Variants in NTRK3 observed in about 807,000 individuals in gnomAD.
The protein encoded by NTRK3 is neurotrophic receptor tyrosine kinase 3, also known as NT-3 growth factor receptor.
In NTRK3, 24 loss-of-function variants were observed where a neutral mutation model predicts 91.7. The ratio of observed to expected loss-of-function variants is 0.26; its 90% CI spans 0.19 to 0.37. The LOEUF (loss-of-function observed/expected upper bound fraction) is 0.37. NTRK3 is among the 10% of genes least tolerant of loss of function. NTRK3 has a pLI of 1.00. For missense variants in NTRK3, 880 were observed against 1,068.9 expected, an observed-to-expected ratio of 0.82 and a Z score of 2.46; for synonymous variants, 483 against 404.0, an observed-to-expected ratio of 1.20 and a Z score of -2.34.
At chr15:88,171,217 C>T (rs951308209) in intron 5 of NTRK3, among the ~76,000 whole-genome samples, 5 of 152,178 alleles carry the variant, frequency 3.3e-5, no homozygotes. Context: ...TTAAATCTCC[C>T]CACAGGACTG....
intron 9 of NTRK3, 89 bp downstream of exon 9, chr15:88,135,810 T>C: frequency 6.5e-7 from 1 of 1,539,394 alleles, no homozygotes; most frequent in African/African-American, 1.4e-5. Context: ...CTGCTCTAGC[T>C]CACCCCTGAC....
intron 6 of NTRK3, among the ~76,000 whole-genome samples, 182 bp from the exon 7 acceptor site, chr15:88,137,743 A>G (rs1266343675): frequency 6.6e-6 from 1 of 152,224 alleles, no homozygotes; most frequent in Non-Finnish European, 1.5e-5. Context: ...TTAAAACAAT[A>G]AACTCATTTT....
chr15:87,866,255 T>A (rs1387933068), exon 19 of NTRK3: 1 of 209,966 alleles, frequency 4.8e-6, no homozygotes, highest in Admixed American at 5.9e-5. Context: ...ACACTTTCCA[T>A]CTGTTTTGCC....
intron 13 of NTRK3, among the ~76,000 whole-genome samples, chr15:88,097,918 C>T (rs1441098230): frequency 6.6e-6 from 1 of 152,202 alleles, no homozygotes; most frequent in Non-Finnish European, 1.5e-5. Context: ...AAGTTAGTTT[C>T]ATGGACATTT....
chr15:87,952,946 C>T (rs1026523398), intron 14 of NTRK3, among the ~76,000 whole-genome samples: 1 of 152,258 alleles, frequency 6.6e-6, no homozygotes, highest in Non-Finnish European at 1.5e-5. Flanking sequence ...GTCCCAGCCA[C>T]GCCGGCCCTC....
At chr15:88,250,582 T>C (rs2053247505) in intron 3 of NTRK3, among the ~76,000 whole-genome samples, 2 of 152,108 alleles carry the variant, frequency 1.3e-5, no homozygotes, top group Admixed American at 6.5e-5. Flanking sequence ...GATCCGGAAC[T>C]GAGATCCTCC....
intron 17 of NTRK3, among the ~76,000 whole-genome samples, chr15:87,923,330 G>A (rs2068028483): frequency 6.6e-6 from 1 of 152,164 alleles, no homozygotes; most frequent in South Asian, 2.1e-4. Flanking sequence ...CCACTTTCAG[G>A]CCAGGTCTAT....
chr15:88,206,841 A>G (rs973054665), intron 3 of NTRK3, among the ~76,000 whole-genome samples: 1 of 152,004 alleles, frequency 6.6e-6, no homozygotes, highest in African/African-American at 2.4e-5. Context: ...TCTGCATCGG[A>G]GGCCCCACGC....
chr15:88,067,958 G>A (rs1221750021), intron 13 of NTRK3, among the ~76,000 whole-genome samples: 4 of 152,112 alleles, frequency 2.6e-5, no homozygotes, highest in Non-Finnish European at 5.9e-5. Context: ...TTTTACAGCA[G>A]TTTTTTACAG....
At chr15:88,113,818 G>A (rs1366473009) in intron 13 of NTRK3, among the ~76,000 whole-genome samples, 1 of 152,142 alleles carries the variant, frequency 6.6e-6, no homozygotes, top group Non-Finnish European at 1.5e-5. Flanking sequence ...GGCCAGCAAA[G>A]TCTAAAATAT....
intron 13 of NTRK3, among the ~76,000 whole-genome samples, chr15:88,040,757 T>G (rs79798388): frequency 0.019 from 2,910 of 152,170 alleles, 52 homozygotes; most frequent in Non-Finnish European, 0.027. Flanking sequence ...CCAAGGATGC[T>G]GGGATCCCTG....
At chr15:88,251,935 G>A (rs1460586198) in intron 3 of NTRK3, among the ~76,000 whole-genome samples, 6 of 152,172 alleles carry the variant, frequency 3.9e-5, no homozygotes, top group African/African-American at 1.4e-4. Context: ...TGGAGGTGCA[G>A]AGCAGATGCC....
At chr15:88,192,100 C>T (rs1357291199) in intron 3 of NTRK3, among the ~76,000 whole-genome samples, 2 of 152,236 alleles carry the variant, frequency 1.3e-5, no homozygotes, top group East Asian at 1.9e-4. Context: ...AGATGGAAGA[C>T]GACAGCATCT....
intron 14 of NTRK3, among the ~76,000 whole-genome samples, chr15:87,981,655 C>T (rs567461661): frequency 6.6e-6 from 1 of 152,304 alleles, no homozygotes; most frequent in East Asian, 1.9e-4. Context: ...TATTTGCCCC[C>T]CATTTTCCTT....
intron 14 of NTRK3, among the ~76,000 whole-genome samples, chr15:87,942,408 G>A (rs1448943662): frequency 6.6e-6 from 1 of 152,176 alleles, no homozygotes; most frequent in Non-Finnish European, 1.5e-5. Context: ...GGTATTTGTT[G>A]ACCTTGGAGG....
intron 17 of NTRK3, among the ~76,000 whole-genome samples, chr15:87,883,926 G>A (rs1353552544): frequency 1.6e-4 from 24 of 146,848 alleles, no homozygotes; most frequent in Admixed American, 6.8e-5. Flanking sequence ...AAAAATTACA[G>A]CATTTAAGCA....
intron 13 of NTRK3, among the ~76,000 whole-genome samples, chr15:88,048,783 C>A (rs1483336732): frequency 1.3e-5 from 2 of 152,172 alleles, no homozygotes; most frequent in Admixed American, 6.5e-5. Flanking sequence ...AAAAGTCAAA[C>A]CATCTTACCA....
At chr15:88,010,396 A>T (rs369089949) in intron 14 of NTRK3, among the ~76,000 whole-genome samples, 2 of 152,162 alleles carry the variant, frequency 1.3e-5, no homozygotes, top group African/African-American at 4.8e-5. Context: ...CAAGGCTCCA[A>T]CCACCGCCTC....
intron 5 of NTRK3, among the ~76,000 whole-genome samples, chr15:88,149,127 G>T (rs1230913941): frequency 2.0e-5 from 3 of 152,146 alleles, no homozygotes; most frequent in African/African-American, 7.2e-5. Context: ...ATCACATAGG[G>T]AGGGAGTCCA....
Sources: gnomAD v4.1 joint callset for allele counts (sites outside exome capture counted in the v4.1 genomes callset) on GRCh38, gnomAD v4.1.1 for gene constraint, MANE v1.5 for transcripts, NCBI Gene and HGNC (gene_info 2026-07-23, HGNC 2026-07-21) for gene names.